The following WASHC5 variants were observed in gnomAD, a reference collection of about 807,000 sequenced individuals.
WASHC5 encodes the protein WASH complex subunit strumpellin.
In WASHC5, 101 loss-of-function variants were observed where a neutral mutation model predicts 150.4. The ratio of observed to expected loss-of-function variants is 0.67; its 90% CI spans 0.57 to 0.79. WASHC5 has a LOEUF of 0.79. Among genes scored for constraint, WASHC5 ranks in the 30% least tolerant of loss-of-function variants. WASHC5 has a pLI of 0.00. For synonymous variants in WASHC5, 467 were observed against 491.2 expected (o/e 0.95, Z 0.65); for missense variants, 1,195 against 1,396.3 (o/e 0.86, Z 2.30).
intron 1 of WASHC5, among the ~76,000 whole-genome samples, chr8:125,087,707 T>C (rs1016974543): frequency 7.0e-6 from 1 of 142,272 alleles, no homozygotes; most frequent in Non-Finnish European, 1.5e-5. Flanking sequence ...CACTCTTGCC[T>C]GGGTGACAAT....
chr8:125,064,223 G>A (rs1816684512), intron 10 of WASHC5, among the ~76,000 whole-genome samples: 1 of 152,022 alleles, frequency 6.6e-6, no homozygotes, highest in African/African-American at 2.4e-5. Context: ...GTTTTTGAGA[G>A]ACAGGGTCTC....
chr8:125,071,754 C>A (rs1179045815), intron 9 of WASHC5, among the ~76,000 whole-genome samples: 1 of 152,194 alleles, frequency 6.6e-6, no homozygotes, highest in Non-Finnish European at 1.5e-5. Context: ...TTAACAATTA[C>A]CACAAACTCA....
intron 1 of WASHC5, among the ~76,000 whole-genome samples, chr8:125,086,318 G>T (rs78427956): frequency 0.027 from 4,100 of 152,082 alleles, 202 homozygotes; most frequent in African/African-American, 0.095. Flanking sequence ...TCATTTCTTT[G>T]TATAGAGATG....
chr8:125,054,375 T>C (rs1242678538), intron 17 of WASHC5, among the ~76,000 whole-genome samples: 1 of 152,218 alleles, frequency 6.6e-6, no homozygotes, highest in Non-Finnish European at 1.5e-5. Context: ...AATAATGCCA[T>C]ATGCTAAAAA....
intron 23 of WASHC5, 101 bp downstream of exon 23, chr8:125,043,724 A>C (rs2130017548): frequency 1.3e-6 from 1 of 796,320 alleles, no homozygotes; most frequent in East Asian, 2.6e-5. Context: ...ATTTAATGAC[A>C]AAAGAAAGAA....
intron 20 of WASHC5, 95 bp from the exon 21 acceptor site, chr8:125,044,793 A>C: frequency 8.2e-7 from 1 of 1,219,724 alleles, no homozygotes; most frequent in Non-Finnish European, 1.2e-6. Flanking sequence ...CCAAATATGA[A>C]GAACAGGAGT....
intron 10 of WASHC5, among the ~76,000 whole-genome samples, chr8:125,064,392 T>A (rs79760743): frequency 0.063 from 9,544 of 151,584 alleles, 439 homozygotes; most frequent in Non-Finnish European, 0.089. Flanking sequence ...TTTATTTTTT[T>A]TTTTTTTGCA....
intron 18 of WASHC5, among the ~76,000 whole-genome samples, chr8:125,050,206 C>A (rs7002684): frequency 4.0e-5 from 6 of 151,816 alleles, no homozygotes; most frequent in African/African-American, 1.5e-4. Context: ...AAAATTATAA[C>A]CTTTATAGTT....
In WASHC5 at chr8:125,047,858, T is replaced by C. The variant is rs115065658; in HGVS notation, c.2380-527A>G. Among the ~76,000 whole-genome samples, 941 of 152,108 alleles carry C rather than the reference T, an allele frequency of 6.2e-3. 12 individuals are homozygous for C. Among genetic ancestry groups the C allele is most frequent in the African/African-American group, 0.022 (904 of 41,502 alleles). The stretch of plus-strand genomic sequence containing the variant: ...AGTCACTGTGCCTGGCTTGGTTTTT[T>C]ATTTTAGAGACAGGATCTTGCTCTG... On this transcript the variant is annotated intron_variant, in intron 19 of 28. Transcript: ENST00000318410.
chr8:125,089,365 A>G (rs1374166981), intron 1 of WASHC5, among the ~76,000 whole-genome samples: 2 of 152,186 alleles, frequency 1.3e-5, no homozygotes, highest in Non-Finnish European at 2.9e-5. Flanking sequence ...CCACACATAA[A>G]ATACACTAAC....
chr8:125,085,870 C>T (rs984430288), intron 1 of WASHC5, among the ~76,000 whole-genome samples: 3 of 152,234 alleles, frequency 2.0e-5, no homozygotes, highest in African/African-American at 7.2e-5. Context: ...TTACGCTACT[C>T]CTTCTTACAT....
rs536933423 is a variant in WASHC5, at chr8:125,064,817, GCAGGTGGAGAAT to G, written c.1279-1178_1279-1167del. Reference sequence around the variant, plus strand: ...GCAATGGGATAGGGAGACTCCATCTGCAGGTGGAGAATCAGGGCTCTGTGGAATTTTGCGGGG... The same window carrying G: ...GCAATGGGATAGGGAGACTCCATCTGCAGGGCTCTGTGGAATTTTGCGGGG... On this transcript the variant is annotated intron_variant, in intron 10 of 28. Transcript: ENST00000318410. Among the ~76,000 whole-genome samples, 30 of 152,262 alleles carry G rather than the reference GCAGGTGGAGAAT, an allele frequency of 2.0e-4. No individual in the cohort carries two copies. In the East Asian group the frequency reaches 5.2e-3, roughly 26 times the overall value.
chr8:125,063,544 G>A lies in WASHC5; in HGVS notation c.1386C>T (p.Pro462=), dbSNP rs1241512609. Residue 462 remains proline, a synonymous_variant, in exon 11 of 29, where the codon CCC becomes CCT. Coordinates refer to ENST00000318410, the MANE Select transcript of WASHC5 (RefSeq NM_014846.4). ...TACCATTTTTCTCCACTCTGGTTAG[G>A]GGTTTCACTCCTGAAAAGACATCAG... ...ELADVFSGVK[P]LTRVEKNENL... The A allele has an allele frequency of 3.7e-6, 6 of 1,613,824 alleles. No homozygotes were observed. Among genetic ancestry groups the A allele is most frequent in the Non-Finnish European group, 2.5e-6 (3 of 1,179,854 alleles).
intron 9 of WASHC5, 124 bp downstream of exon 9, chr8:125,073,029 A>G: frequency 1.9e-6 from 2 of 1,050,900 alleles, no homozygotes; most frequent in Non-Finnish European, 1.5e-6. Context: ...CTAACTTTAA[A>G]AAGCAACTTG....
Position 125,044,038 on chromosome 8 carries a change from A to C in WASHC5, c.2724T>G (p.Thr908=). The C allele has an allele frequency of 6.2e-7, 1 of 1,613,984 alleles. No individual in the cohort carries two copies. ...IILRDRTVQD[T]LKTLMNAVSP... ...TGACAGCATTCATGAGGGTTTTTAA[A>C]GTGTCCTGAACAGTTCTGTCTCTCA... Residue 908 remains threonine (T), a synonymous_variant, in exon 22 of 29, where the codon ACT becomes ACG. Coordinates refer to ENST00000318410, the MANE Select transcript of WASHC5 (RefSeq NM_014846.4).
At chr8:125,072,999 T>A (rs1343978708) in intron 9 of WASHC5, among the ~76,000 whole-genome samples, 154 bp downstream of exon 9, 1 of 152,198 alleles carries the variant, frequency 6.6e-6, no homozygotes, top group Non-Finnish European at 1.5e-5. Flanking sequence ...TAGTGGCCTA[T>A]CCAAGTTGAC....
In WASHC5 at chr8:125,063,632, G is replaced by C. The variant is rs756348666; in HGVS notation, c.1298C>G (p.Ser433Ter). The C allele has an allele frequency of 1.2e-6, 2 of 1,613,720 alleles. No homozygotes were observed. The highest frequency in any genetic ancestry group is 1.7e-6 in the Non-Finnish European group (2 of 1,179,698). The stretch of plus-strand genomic sequence containing the variant: ...ATGCTCCCATTTGGTTTGCTTTTCT[G>C]AAAGCATTTGCTTGAACATCTGTTG... Reference protein sequence around the residue: ...ILKEMFKQMLSEKQTKWEHYK... With the variant: ...ILKEMFKQML Residue 433 changes from serine to a stop codon, truncating the protein, a stop_gained, in exon 11 of 29, where the codon TCA becomes TGA. Transcript: ENST00000318410. LOFTEE classifies it high-confidence loss of function.
chr8:125,057,891 T>A (rs373619229), intron 14 of WASHC5, among the ~76,000 whole-genome samples: 1 of 152,108 alleles, frequency 6.6e-6, no homozygotes, highest in Non-Finnish European at 1.5e-5. Context: ...TGGGAACTTA[T>A]TAGACATGCA....
intron 1 of WASHC5, among the ~76,000 whole-genome samples, chr8:125,088,339 T>C (rs1411663060): frequency 6.7e-6 from 1 of 150,100 alleles, no homozygotes; most frequent in Non-Finnish European, 1.5e-5. Flanking sequence ...GCAGGAGAAT[T>C]GCTTAAACCC....
Sources: allele counts gnomAD v4.1 joint callset (sites outside exome capture counted in the v4.1 genomes callset), GRCh38; gene constraint gnomAD v4.1.1; transcripts MANE v1.5; gene names NCBI Gene and HGNC (gene_info 2026-07-23, HGNC 2026-07-21).